The following BRINP1 variants were observed in gnomAD, a reference collection of about 807,000 sequenced individuals.
BRINP1 encodes the protein BMP/retinoic acid-inducible neural-specific protein 1.
Under a neutral mutation model 72.9 loss-of-function variants are expected in BRINP1, and 17 were observed. The ratio of observed to expected loss-of-function variants is 0.23; its 90% CI spans 0.16 to 0.35. The LOEUF (loss-of-function observed/expected upper bound fraction) is 0.35, where lower values mean the gene tolerates loss of function less well. BRINP1 is among the 10% of genes least tolerant of loss of function. BRINP1 has a pLI of 1.00. For missense variants in BRINP1, 850 were observed against 1,001.6 expected, an observed-to-expected ratio of 0.85 and a Z score of 2.04; for synonymous variants, 418 against 378.5, an observed-to-expected ratio of 1.10 and a Z score of -1.21.
At chr9:119,277,592 T>A (rs1427410402) in intron 2 of BRINP1, among the ~76,000 whole-genome samples, 1 of 152,162 alleles carries the variant, frequency 6.6e-6, no homozygotes, top group Non-Finnish European at 1.5e-5. Flanking sequence ...GAGCCTACTA[T>A]GTCAGAACTA....
intron 1 of BRINP1, among the ~76,000 whole-genome samples, chr9:119,315,007 C>T (rs1831111019): frequency 6.6e-6 from 1 of 152,166 alleles, no homozygotes; most frequent in African/African-American, 2.4e-5. Flanking sequence ...TTAAATCCTT[C>T]AATAGCCAGC....
At chr9:119,182,364 A>G (rs1475881748) in intron 7 of BRINP1, among the ~76,000 whole-genome samples, 1 of 152,250 alleles carries the variant, frequency 6.6e-6, no homozygotes, top group East Asian at 1.9e-4. Context: ...CCATAGAATG[A>G]AAAGACAACT....
chr9:119,177,149 TTTC>T (rs1194149616), intron 7 of BRINP1, among the ~76,000 whole-genome samples: 1 of 152,190 alleles, frequency 6.6e-6, no homozygotes, highest in Non-Finnish European at 1.5e-5. Context: ...TATTCATATT[TTTC>T]TTGTTAGTTT....
chr9:119,295,558 A>T (rs1271746401), intron 2 of BRINP1, among the ~76,000 whole-genome samples: 1 of 152,222 alleles, frequency 6.6e-6, no homozygotes, highest in Non-Finnish European at 1.5e-5. Flanking sequence ...CAGTAAAAAT[A>T]TGGTATTATA....
chr9:119,191,775 A>AG (rs1829686132), intron 7 of BRINP1, among the ~76,000 whole-genome samples: 1 of 151,868 alleles, frequency 6.6e-6, no homozygotes, highest in African/African-American at 2.4e-5. Flanking sequence ...AAGAAAACCA[A>AG]AACTCACATA....
At chr9:119,345,830 C>A (rs558058141) in intron 1 of BRINP1, among the ~76,000 whole-genome samples, 2 of 152,132 alleles carry the variant, frequency 1.3e-5, no homozygotes, top group African/African-American at 4.8e-5. Context: ...TCAAGCACTG[C>A]TCTAAGATCT....
chr9:119,336,047 T>G lies in BRINP1; in HGVS notation c.-50-22642A>C, dbSNP rs570415960. The stretch of plus-strand genomic sequence containing the variant: ...CTGACATGTATGGGTAAAAGTCTCT[T>G]GGTGTGCACATTTATTATGTGTTAT... On this transcript the variant is annotated intron_variant, in intron 1 of 7. Coordinates refer to ENST00000265922, the MANE Select transcript of BRINP1 (RefSeq NM_014618.3). Among the ~76,000 whole-genome samples, 8 of 152,312 alleles carry G rather than the reference T, an allele frequency of 5.3e-5. No homozygotes were observed. The South Asian group carries it at 1.5e-3, about 28-fold the overall frequency.
intron 1 of BRINP1, among the ~76,000 whole-genome samples, chr9:119,358,918 T>G (rs1831601269): frequency 6.6e-6 from 1 of 152,228 alleles, no homozygotes; most frequent in Non-Finnish European, 1.5e-5. Flanking sequence ...GTTATCCCAC[T>G]GCCACATGGT....
In BRINP1 at chr9:119,179,330, C is replaced by G. The variant is rs375794775; in HGVS notation, c.1146-11106G>C. On this transcript the variant is annotated intron_variant, in intron 7 of 7. Transcript: ENST00000265922. Reference sequence around the variant, plus strand: ...CTGTTGGATGGGATTTCAATTCATTCTGATAGGGGGCTGAGAGGAGAGAAG... The same window carrying G: ...CTGTTGGATGGGATTTCAATTCATTGTGATAGGGGGCTGAGAGGAGAGAAG... Among the ~76,000 whole-genome samples the G allele has an allele frequency of 9.2e-5, 14 of 152,276 alleles. No homozygotes were observed. The South Asian group carries it at 1.5e-3, about 16-fold the overall frequency.
At chr9:119,361,298 G>A (rs2119042956) in intron 1 of BRINP1, among the ~76,000 whole-genome samples, 1 of 152,154 alleles carries the variant, frequency 6.6e-6, no homozygotes, top group African/African-American at 2.4e-5. Context: ...CTCCTTAATT[G>A]TCTTTTTTGC....
chr9:119,292,199 A>T (rs934782455), intron 2 of BRINP1, among the ~76,000 whole-genome samples: 1 of 152,206 alleles, frequency 6.6e-6, no homozygotes, highest in African/African-American at 2.4e-5. Context: ...CAAATGAGAT[A>T]TAAAGCTAGA....
intron 2 of BRINP1, among the ~76,000 whole-genome samples, chr9:119,265,163 C>T (rs1830535345): frequency 6.6e-6 from 1 of 152,208 alleles, no homozygotes; most frequent in South Asian, 2.1e-4. Flanking sequence ...TCACCTTGCA[C>T]TTCCTTAAAG....
At chr9:119,196,738 A>T (rs948147703) in intron 7 of BRINP1, among the ~76,000 whole-genome samples, 1 of 152,174 alleles carries the variant, frequency 6.6e-6, no homozygotes, top group Non-Finnish European at 1.5e-5. Flanking sequence ...GGCAGAGGAC[A>T]CTCAGCACAT....
At chr9:119,255,733 C>T (rs1036200630) in intron 2 of BRINP1, among the ~76,000 whole-genome samples, 43 of 151,906 alleles carry the variant, frequency 2.8e-4, no homozygotes, top group African/African-American at 9.0e-4. Context: ...GCGGGCAGAT[C>T]GCCTGAGCTC....
In BRINP1 at chr9:119,238,951, G is replaced by C. The variant is rs142028866; in HGVS notation, c.580-191C>G. Among the ~76,000 whole-genome samples the C allele has an allele frequency of 4.1e-3, 619 of 152,326 alleles. 2 individuals carry two copies. Among genetic ancestry groups the C allele is most frequent in the African/African-American group, 0.014 (582 of 41,562 alleles). ...GTCACTGAGTAGACAGGTAAGCAGG[G>C]TGGTCAAGCATACAGAGTGCATGCC... On this transcript the variant is annotated intron_variant, in intron 4 of 7. Transcript: ENST00000265922.
intron 1 of BRINP1, among the ~76,000 whole-genome samples, chr9:119,342,050 G>A (rs1587966940): frequency 6.6e-6 from 1 of 151,566 alleles, no homozygotes; most frequent in Non-Finnish European, 1.5e-5. Flanking sequence ...TTACAGGCAT[G>A]AGCCACCGCA....
chr9:119,327,314 C>T (rs1231468805), intron 1 of BRINP1, among the ~76,000 whole-genome samples: 1 of 152,188 alleles, frequency 6.6e-6, no homozygotes. Context: ...GTGCCTTCAA[C>T]AGGCAGGCCC....
At position 119,269,822 on chromosome 9, in the gene BRINP1, G is replaced by A. The variant is rs147539662; in HGVS notation, c.219-20672C>T. Among the ~76,000 whole-genome samples the A allele has an allele frequency of 8.4e-3, 1,263 of 150,818 alleles. 16 individuals are homozygous for A. The highest frequency in any genetic ancestry group is 0.029 in the African/African-American group (1,183 of 41,072). On this transcript the variant is annotated intron_variant, in intron 2 of 7. Coordinates refer to ENST00000265922, the MANE Select transcript of BRINP1 (RefSeq NM_014618.3). ...CACATTCTTCAGCAAATATTCATTA[G>A]GAACTAGACACTATTCTAAACACTT...
chr9:119,232,318 C>G (rs1192153186), intron 5 of BRINP1, among the ~76,000 whole-genome samples: 1 of 152,200 alleles, frequency 6.6e-6, no homozygotes, highest in Non-Finnish European at 1.5e-5. Flanking sequence ...TGACAGCCTC[C>G]TAACAACTGA....
Sources: gnomAD v4.1 joint callset for allele counts (sites outside exome capture counted in the v4.1 genomes callset) on GRCh38, gnomAD v4.1.1 for gene constraint, MANE v1.5 for transcripts, NCBI Gene and HGNC (gene_info 2026-07-23, HGNC 2026-07-21) for gene names.